PLEKHA6: variants seen among roughly 807,000 people sequenced by gnomAD.
PLEKHA6 encodes pleckstrin homology domain containing A6.
In PLEKHA6, 60 loss-of-function variants were observed where a neutral mutation model predicts 116.7. That is an observed-to-expected ratio of 0.51 (90% CI 0.42 to 0.64). PLEKHA6 has a LOEUF of 0.64. Among genes scored for constraint, PLEKHA6 ranks in the 30% least tolerant of loss-of-function variants. PLEKHA6 has a pLI of 0.00. For synonymous variants in PLEKHA6, 489 were observed against 556.1 expected (o/e 0.88, Z 1.70); for missense variants, 1,338 against 1,422.7 (o/e 0.94, Z 0.96).
At chr1:204,316,411 A>C (rs752091220) in intron 1 of PLEKHA6, among the ~76,000 whole-genome samples, 3 of 152,210 alleles carry the variant, frequency 2.0e-5, no homozygotes, top group Non-Finnish European at 4.4e-5. Flanking sequence ...CAGGCCGCTC[A>C]GAATAGGGAC....
chr1:204,294,747 C>G (rs1181907526), intron 1 of PLEKHA6, among the ~76,000 whole-genome samples: 3 of 152,192 alleles, frequency 2.0e-5, no homozygotes, highest in African/African-American at 4.8e-5. Context: ...TTTCATTCCC[C>G]CATCTGTGAA....
At chr1:204,252,084 C>A (rs532757321) in intron 9 of PLEKHA6, among the ~76,000 whole-genome samples, 1 of 151,600 alleles carries the variant, frequency 6.6e-6, no homozygotes, top group South Asian at 2.1e-4. Context: ...GGCCTGCCCC[C>A]TCTCCCTGCC....
In PLEKHA6 at chr1:204,325,736, T is replaced by C. The variant is rs140166277; in HGVS notation, c.-95+33958A>G. On this transcript the variant is annotated intron_variant, in intron 1 of 22. Coordinates refer to ENST00000272203, the MANE Select transcript of PLEKHA6 (RefSeq NM_014935.5). ...CCCTGAGCCCTGAGAAAGTTCCTTATTGGTGGCTTCTTAGAGTAGCCTGTG... is the reference window on the plus strand; with the variant it reads ...CCCTGAGCCCTGAGAAAGTTCCTTACTGGTGGCTTCTTAGAGTAGCCTGTG... The C allele has an allele frequency of 1.4e-3, 230 of 161,852 alleles. No homozygotes were observed. The Middle Eastern group carries it at 0.016, about 11-fold the overall frequency. 10.0% of individuals were successfully genotyped at this position (161,852 alleles called of 1,614,324 possible).
At chr1:204,265,694 G>A (rs918562346) in intron 5 of PLEKHA6, among the ~76,000 whole-genome samples, 1 of 152,130 alleles carries the variant, frequency 6.6e-6, no homozygotes, top group Admixed American at 6.5e-5. Context: ...GGTGCCTCTG[G>A]GTAACTCTTT....
Position 204,259,874 on chromosome 1 carries a change from C to T in PLEKHA6, c.525-134G>A. 3 of 900,924 alleles carry T rather than the reference C, an allele frequency of 3.3e-6. No homozygotes were observed. Among genetic ancestry groups the T allele is most frequent in the Non-Finnish European group, 4.9e-6 (3 of 609,774 alleles). 55.8% of individuals were successfully genotyped at this position (900,924 alleles called of 1,614,324 possible). A position where few individuals can be genotyped will look rare whatever the true frequency, so the allele number is the denominator to read the frequency against. ...GGCTGGAACCAGGATTCTATGAACT[C>T]CAGTTCTGCTTCCTAAGTCCCACCC... On this transcript the variant is annotated intron_variant, in intron 7 of 22. Transcript: ENST00000272203. This position sits in a 1 kb window ranked among gnomAD's most constrained non-coding sequence, Gnocchi z 4.6.
At chr1:204,294,193 T>A (rs1670046315) in intron 1 of PLEKHA6, among the ~76,000 whole-genome samples, 1 of 152,180 alleles carries the variant, frequency 6.6e-6, no homozygotes, top group African/African-American at 2.4e-5. Context: ...CCCAGGAGGA[T>A]ACGGAGGAAG....
intron 1 of PLEKHA6, among the ~76,000 whole-genome samples, chr1:204,309,990 AT>A (rs1671598392): frequency 6.6e-6 from 1 of 152,146 alleles, no homozygotes; most frequent in Non-Finnish European, 1.5e-5. Flanking sequence ...GGACACTAAA[AT>A]TTGAATTTCA....
At position 204,245,006 on chromosome 1, in the gene PLEKHA6, T is replaced by TG. The variant is rs1225452287; in HGVS notation, c.2033-4dup. ...GGTGGCTGAGGGGCCAAGTCCTCCTTGGGGGAAACAAGGGGATGGGTGAGC... is the reference window on the plus strand; with the variant it reads ...GGTGGCTGAGGGGCCAAGTCCTCCTTGGGGGGAAACAAGGGGATGGGTGAGC... On this transcript the variant is annotated splice_polypyrimidine_tract_variant and splice_region_variant and intron_variant, in intron 14 of 22. Transcript: ENST00000272203. 3.5e-6 allele frequency: 5 copies of TG among 1,415,574 alleles called. No homozygotes were observed. The African/African-American group carries it at 6.0e-5, about 17-fold the overall frequency. 87.7% of individuals were successfully genotyped at this position (1,415,574 alleles called of 1,614,324 possible). A position where few individuals can be genotyped will look rare whatever the true frequency, so the allele number is the denominator to read the frequency against.
intron 1 of PLEKHA6, among the ~76,000 whole-genome samples, chr1:204,292,100 C>T (rs973505024): frequency 1.3e-5 from 2 of 152,124 alleles, no homozygotes; most frequent in East Asian, 1.9e-4. Flanking sequence ...GTCCTGAATC[C>T]GCCTTTACTC....
In PLEKHA6 at chr1:204,331,568, T is replaced by C. The variant is rs371406303; in HGVS notation, c.-95+28126A>G. On this transcript the variant is annotated intron_variant, in intron 1 of 22. Coordinates refer to ENST00000272203, the MANE Select transcript of PLEKHA6 (RefSeq NM_014935.5). ...ATTGGTGGAAAAGGGGACAGAGAGT[T>C]CAGAAGGGACACGATGAATATTCAG... Among the ~76,000 whole-genome samples, 263 of 152,202 alleles carry C rather than the reference T, an allele frequency of 1.7e-3. 6 individuals are homozygous for C. The South Asian group carries it at 0.052, about 30-fold the overall frequency.
chr1:204,251,435 G>C, intron 9 of PLEKHA6: 1 of 642,116 alleles, frequency 1.6e-6, no homozygotes, highest in Non-Finnish European at 2.8e-6. Context: ...TGAGCGGGTT[G>C]GGTGGCGTGA....
chr1:204,299,684 G>A (rs1670629597), intron 1 of PLEKHA6: 1 of 980,426 alleles, frequency 1.0e-6, no homozygotes, highest in African/African-American at 1.8e-5. Context: ...GTTCTCTCAG[G>A]CTAAGAGGTT....
At chr1:204,313,620 T>C (rs917884817) in intron 1 of PLEKHA6, 6 of 984,926 alleles carry the variant, frequency 6.1e-6, no homozygotes, top group Non-Finnish European at 6.0e-6. Context: ...ATATTCCATA[T>C]TAGCCCAAGG....
rs12405379 is a variant in PLEKHA6, at chr1:204,308,980, C to T, written c.-94-34171G>A. The T allele has an allele frequency of 4.1e-3, 2,590 of 630,570 alleles. 136 individuals are homozygous for T. In the Admixed American group the frequency reaches 0.1, roughly 25 times the overall value. 39.1% of individuals were successfully genotyped at this position (630,570 alleles called of 1,614,324 possible). A position where few individuals can be genotyped will look rare whatever the true frequency, so the allele number is the denominator to read the frequency against. ...CTGGGATTACAGGCGTGAGCCACCA[C>T]GCCCGGCCTCAAGAAGGTAATTCTA... is the stretch of plus-strand genomic sequence containing the variant. On this transcript the variant is annotated intron_variant, in intron 1 of 22. Transcript: ENST00000272203.
intron 1 of PLEKHA6, among the ~76,000 whole-genome samples, chr1:204,287,282 G>C (rs1175840834): frequency 1.3e-5 from 2 of 150,344 alleles, no homozygotes; most frequent in Non-Finnish European, 3.0e-5. Context: ...TACACACACA[G>C]AGAGATAGCA....
intron 21 of PLEKHA6, among the ~76,000 whole-genome samples, chr1:204,224,885 A>G (rs1660123659): frequency 6.6e-6 from 1 of 152,244 alleles, no homozygotes; most frequent in Non-Finnish European, 1.5e-5. Flanking sequence ...CCAAGAAACC[A>G]AAAACGAAGC....
intron 21 of PLEKHA6, among the ~76,000 whole-genome samples, chr1:204,224,464 G>A (rs558750780): frequency 6.6e-6 from 1 of 151,610 alleles, no homozygotes; most frequent in Admixed American, 6.6e-5. Flanking sequence ...CCGAGAGAGG[G>A]GACCCAAAAT....
intron 1 of PLEKHA6, among the ~76,000 whole-genome samples, chr1:204,335,329 A>T (rs1272359180): frequency 6.6e-6 from 1 of 152,018 alleles, no homozygotes; most frequent in Non-Finnish European, 1.5e-5. Context: ...TCAGCCCAGC[A>T]CTGCAGACAA....
At chr1:204,262,169 C>G (rs900582706) in intron 6 of PLEKHA6, 5 of 152,222 alleles carry the variant, frequency 3.3e-5, no homozygotes, top group African/African-American at 1.2e-4. Context: ...CTCAGCATTC[C>G]CCCGGGAATG....
Sources: allele counts gnomAD v4.1 joint callset (sites outside exome capture counted in the v4.1 genomes callset), GRCh38; gene constraint gnomAD v4.1.1; non-coding constraint Gnocchi (gnomAD v3.1); transcripts MANE v1.5; gene names NCBI Gene and HGNC (gene_info 2026-07-23, HGNC 2026-07-21).